The following CREBZF variants were observed in gnomAD, a reference collection of about 807,000 sequenced individuals.
The protein encoded by CREBZF is CREB/ATF bZIP transcription factor, also known as HCF-binding transcription factor Zhangfei.
A neutral mutation model predicts 21.1 loss-of-function variants in CREBZF; 8 were observed. The observed-to-expected ratio is 0.38, with a 90% CI of 0.22 to 0.68. The LOEUF (loss-of-function observed/expected upper bound fraction) is 0.68, where lower values mean the gene tolerates loss of function less well. Ranked by LOEUF, CREBZF falls within the 30% of genes least tolerant of loss-of-function variation. The probability of loss-of-function intolerance (pLI) is 0.51; values close to 1 mark genes in which losing one functional copy is unlikely to be tolerated. For missense variants in CREBZF, 518 were observed against 484.3 expected, an observed-to-expected ratio of 1.07 and a Z score of -0.65; for synonymous variants, 270 against 223.3, an observed-to-expected ratio of 1.21 and a Z score of -1.86.
At chr11:85,682,048 T>C (rs933154701) in intron 1 of CREBZF, among the ~76,000 whole-genome samples, 17 of 151,972 alleles carry the variant, frequency 1.1e-4, no homozygotes, top group African/African-American at 3.9e-4. Flanking sequence ...AAAAATAAAA[T>C]ATGGGGCCGC....
rs1178867725 is a variant in CREBZF, at chr11:85,659,580, A to G, written c.*4231T>C. 1.3e-5 allele frequency: 2 copies of G among 152,070 alleles called. No homozygotes were observed. The highest frequency in any genetic ancestry group is 2.9e-5 in the Non-Finnish European group (2 of 67,928). The allele number at this position is 152,070 out of a possible 1,614,324, so 9.4% of individuals were successfully genotyped here. A position where few individuals can be genotyped will look rare whatever the true frequency, so the allele number is the denominator to read the frequency against. ...TATATTTATTATGAAGTAAAAGCCAATCTCCTACCCAATCCCTCTTCTATC... is the reference window on the plus strand; with the variant it reads ...TATATTTATTATGAAGTAAAAGCCAGTCTCCTACCCAATCCCTCTTCTATC... On this transcript the variant is annotated 3_prime_UTR_variant, in exon 1 of 1. Coordinates refer to ENST00000527447, the MANE Select transcript of CREBZF (RefSeq NM_001039618.4).
In CREBZF at chr11:85,662,258, T is replaced by C. The variant is rs922265031; in HGVS notation, c.*1553A>G. 1.4e-5 allele frequency: 8 copies of C among 591,662 alleles called. No homozygotes were observed. The highest frequency in any genetic ancestry group is 2.2e-5 in the Non-Finnish European group (7 of 320,568). The allele number at this position is 591,662 out of a possible 1,614,324, so 36.7% of individuals were successfully genotyped here. A position where few individuals can be genotyped will look rare whatever the true frequency, so the allele number is the denominator to read the frequency against. On this transcript the variant is annotated 3_prime_UTR_variant, in exon 1 of 1. Transcript: ENST00000527447. The stretch of plus-strand genomic sequence containing the variant: ...CCATTTTCATAACCAAATAACAAAA[T>C]AAAACATTTTATGTGTAAGATAACT...
In CREBZF at chr11:85,659,436, G is replaced by A. The variant is rs76672714; in HGVS notation, c.*4375C>T. ...CTAGCTGTACTGTAGGAGCATCAGC[G>A]CCTAAGTTTTAAGCCAGTGGGAATA... is the stretch of plus-strand genomic sequence containing the variant. On this transcript the variant is annotated 3_prime_UTR_variant, in exon 1 of 1. Transcript: ENST00000527447. Among the ~76,000 whole-genome samples the A allele has an allele frequency of 1.3e-5, 2 of 152,170 alleles. No individual in the cohort carries two copies. The highest frequency in any genetic ancestry group is 4.8e-5 in the African/African-American group (2 of 41,540).
chr11:85,671,230 A>G (rs902669032), intron 1 of CREBZF, among the ~76,000 whole-genome samples: 79 of 152,328 alleles, frequency 5.2e-4, no homozygotes, highest in Admixed American at 4.2e-3. Context: ...ACCTCATGAG[A>G]CTTATTCACT....
rs1279007355 is a variant in CREBZF at position 85,664,080 on chromosome 11, A to G, written c.796T>C (p.Tyr266His). Reference protein sequence around the residue: ...RVQALQEESRYLRAVLANETG... With the variant: ...RVQALQEESRHLRAVLANETG... ...TCGTTGGCTAAGACTGCCCGTAGGT[A>G]GCGACTCTCCTCCTGCAGTGCCTGT... Residue 266 changes from tyrosine to histidine, a missense_variant, in exon 1 of 1, where the codon TAC (tyrosine) becomes CAC (histidine). Tyr to His is a moderately conservative substitution (Grantham distance 83, BLOSUM62 2). Transcript: ENST00000527447. The surrounding 1 kb of genome is among the most constrained non-coding windows in gnomAD (Gnocchi z 5.5). 1 of 1,613,626 alleles carries G rather than the reference A, an allele frequency of 6.2e-7. No homozygotes were observed.
At chr11:85,669,660 G>A (rs948898242), upstream of CREBZF, among the ~76,000 whole-genome samples, 1 of 152,112 alleles carries the variant, frequency 6.6e-6, no homozygotes, top group African/African-American at 2.4e-5. Flanking sequence ...AATTCTCTGA[G>A]GAAATAAGAT....
rs1202479490 is a variant in CREBZF, at chr11:85,658,120, G to C, written c.*5691C>G. Among the ~76,000 whole-genome samples, 2 of 151,770 alleles carry C rather than the reference G, an allele frequency of 1.3e-5. No homozygotes were observed. Among genetic ancestry groups the C allele is most frequent in the African/African-American group, 4.8e-5 (2 of 41,374 alleles). ...TAAAAGCAGAGTTCTACTCATCCCA[G>C]TGAAAAAAACAATGAATTAAAAGTA... On this transcript the variant is annotated 3_prime_UTR_variant, in exon 1 of 1. Transcript: ENST00000527447.
rs1410098012 is a variant in CREBZF, at chr11:85,664,478, G to C, written c.398C>G (p.Ser133Cys). The stretch of plus-strand genomic sequence containing the variant: ...GCCGCCGCTATCCGAGCCTCCGCCA[G>C]ACGAGGAGAGAGGCCCCGGCGAGCT... ...GLSSPGPLSS[S>C]GGGSDSGGLW... Residue 133 changes from serine to cysteine, a missense_variant, in exon 1 of 1, where the codon TCT (serine) becomes TGT (cysteine). Around this residue, in one of 3 missense-constraint regions of CREBZF, gnomAD observed 396 missense variants for 324.4 expected, o/e 1.22. Coordinates refer to ENST00000527447, the MANE Select transcript of CREBZF (RefSeq NM_001039618.4). The surrounding 1 kb of genome is among the most constrained non-coding windows in gnomAD (Gnocchi z 5.5). The C allele has an allele frequency of 6.2e-7, 1 of 1,613,672 alleles. No homozygotes were observed. Among genetic ancestry groups the C allele is most frequent in the Non-Finnish European group, 8.5e-7 (1 of 1,179,930 alleles).
intron 1 of CREBZF, among the ~76,000 whole-genome samples, chr11:85,673,652 TA>T (rs1448942880): frequency 1.3e-5 from 2 of 152,210 alleles, no homozygotes; most frequent in Non-Finnish European, 2.9e-5. Flanking sequence ...AATATGACAG[TA>T]AAGTTTGCAG....
At chr11:85,671,881 T>C (rs879682234) in intron 1 of CREBZF, among the ~76,000 whole-genome samples, 1 of 152,230 alleles carries the variant, frequency 6.6e-6, no homozygotes, top group East Asian at 1.9e-4. Context: ...TTCTGGGGTC[T>C]GGAGGATGGT....
chr11:85,664,669 G>C lies in CREBZF; in HGVS notation c.207C>G (p.Ser69Arg). 1 of 1,602,968 alleles carries C rather than the reference G, an allele frequency of 6.2e-7. No homozygotes were observed. Among genetic ancestry groups the C allele is most frequent in the Non-Finnish European group, 8.5e-7 (1 of 1,174,516 alleles). The change falls in exon 1 of 1, where the codon AGC becomes AGG. Residue 69 changes from serine to arginine, a missense_variant. Ser to Arg is a moderately radical substitution (Grantham distance 110). Coordinates refer to ENST00000527447, the MANE Select transcript of CREBZF (RefSeq NM_001039618.4). The surrounding 1 kb of genome is among the most constrained non-coding windows in gnomAD (Gnocchi z 5.5). Reference sequence around the variant, plus strand: ...GCGCGCGCACGGCCACGCCGCCGCGGCTCCCCCTCCCGGCTTCCAACTCTC... The same window carrying C: ...GCGCGCGCACGGCCACGCCGCCGCGCCTCCCCCTCCCGGCTTCCAACTCTC... ...DEGELEAGRGSRGGVAVRAPS... is the reference protein window; with the variant it reads ...DEGELEAGRGRRGGVAVRAPS...
At chr11:85,682,603 T>G in intron 1 of CREBZF, 6 of 196,728 alleles carry the variant, frequency 3.0e-5, no homozygotes, top group Non-Finnish European at 3.6e-5. Context: ...CCCCCTGCCC[T>G]ACTCCCCCCA....
intron 1 of CREBZF, among the ~76,000 whole-genome samples, chr11:85,677,944 A>G (rs893836360): frequency 6.6e-6 from 1 of 152,246 alleles, no homozygotes; most frequent in East Asian, 1.9e-4. Context: ...ATTACTTAGG[A>G]GCCAATATGT....
chr11:85,670,343 C>T (rs1341345108), intron 1 of CREBZF, among the ~76,000 whole-genome samples: 1 of 46 alleles, frequency 0.022, no homozygotes, highest in Non-Finnish European at 0.038. Flanking sequence ...CTCGCTCTGT[C>T]ACCCAGGTGG....
chr11:85,664,094 T>G lies in CREBZF; in HGVS notation c.782A>C (p.Gln261Pro). 1 of 1,613,622 alleles carries G rather than the reference T, an allele frequency of 6.2e-7. No individual in the cohort carries two copies. The highest frequency in any genetic ancestry group is 8.5e-7 in the Non-Finnish European group (1 of 1,180,028). Reference sequence around the variant, plus strand: ...TGCCCGTAGGTAGCGACTCTCCTCCTGCAGTGCCTGTACGCGTTTGCCCAG... The same window carrying G: ...TGCCCGTAGGTAGCGACTCTCCTCCGGCAGTGCCTGTACGCGTTTGCCCAG... The part of the protein sequence containing the change: ...RELGKRVQAL[Q>P]EESRYLRAVL... Residue 261 changes from glutamine (Q) to proline (P), a missense_variant, in exon 1 of 1, where the codon CAG becomes CCG. Physicochemically the swap from Gln to Pro is moderately conservative, Grantham distance 76 (BLOSUM62 -1). This residue lies in a region of CREBZF where 114 missense variants were observed against 134.1 expected (regional missense o/e 0.85). Coordinates refer to ENST00000527447, the MANE Select transcript of CREBZF (RefSeq NM_001039618.4). The surrounding 1 kb of genome is among the most constrained non-coding windows in gnomAD (Gnocchi z 5.5).
At position 85,664,772 on chromosome 11, in the gene CREBZF, A is replaced by T. The variant is rs1451417076; in HGVS notation, c.104T>A (p.Leu35Gln). The T allele has an allele frequency of 1.3e-6, 2 of 1,596,556 alleles. No homozygotes were observed. Among genetic ancestry groups the T allele is most frequent in the East Asian group, 4.5e-5 (2 of 44,680 alleles). The change falls in exon 1 of 1, where the codon CTG becomes CAG. Residue 35 changes from leucine to glutamine, a missense_variant. Transcript: ENST00000527447. This position sits in a 1 kb window ranked among gnomAD's most constrained non-coding sequence, Gnocchi z 5.5. The stretch of plus-strand genomic sequence containing the variant: ...CTCCTCCCCCGCTGCAGCCCGGGTC[A>T]GGTCAGAGGGCAGCGAACAAGTTGC... ...PAATCSLPSDLTRAAAGEEET... is the reference protein window; with the variant it reads ...PAATCSLPSDQTRAAAGEEET...
Position 85,664,024 on chromosome 11 carries a change from C to T in CREBZF, c.852G>A (p.Leu284=). 1.2e-6 allele frequency: 2 copies of T among 1,613,066 alleles called. No homozygotes were observed. Among genetic ancestry groups the T allele is most frequent in the Non-Finnish European group, 1.7e-6 (2 of 1,179,942 alleles). Reference sequence around the variant, plus strand: ...TGGTCAGCCGCAGTCCCACGCCGCTCAGCCGGCTCAGCAAGCGAGCCAGTC... The same window carrying T: ...TGGTCAGCCGCAGTCCCACGCCGCTTAGCCGGCTCAGCAAGCGAGCCAGTC... ...ETGLARLLSR[L]SGVGLRLTTS... Residue 284 remains leucine, a synonymous_variant, in exon 1 of 1, where the codon CTG becomes CTA. Coordinates refer to ENST00000527447, the MANE Select transcript of CREBZF (RefSeq NM_001039618.4). This position sits in a 1 kb window ranked among gnomAD's most constrained non-coding sequence, Gnocchi z 5.5.
chr11:85,669,300 C>A (rs2082895165), upstream of CREBZF, among the ~76,000 whole-genome samples: 1 of 151,620 alleles, frequency 6.6e-6, no homozygotes. Context: ...CTTCTCATAG[C>A]TAAATAAAGG....
At chr11:85,666,655 C>T (rs1387931495), upstream of CREBZF, among the ~76,000 whole-genome samples, 1 of 152,184 alleles carries the variant, frequency 6.6e-6, no homozygotes, top group East Asian at 1.9e-4. Flanking sequence ...AAGCAAGGTC[C>T]AGGGAAGTTG....
Sources: gnomAD v4.1 joint callset for allele counts (sites outside exome capture counted in the v4.1 genomes callset) on GRCh38, gnomAD v4.1.1 for gene constraint, gnomAD v4.1.1 regional missense constraint, Gnocchi (gnomAD v3.1) non-coding constraint, MANE v1.5 for transcripts, NCBI Gene and HGNC (gene_info 2026-07-23, HGNC 2026-07-21) for gene names.